The following SLC14A2 variants were observed in gnomAD, a reference collection of about 807,000 sequenced individuals.
SLC14A2 encodes the protein solute carrier family 14 member 2.
In SLC14A2, 91 loss-of-function variants were observed where a neutral mutation model predicts 104.6. The ratio of observed to expected loss-of-function variants is 0.87; its 90% CI spans 0.73 to 1.04. The LOEUF is 1.04. Among genes scored for constraint, SLC14A2 ranks in the 50% least tolerant of loss-of-function variants. The pLI, the probability that SLC14A2 is intolerant of heterozygous loss-of-function variation, is 0.00. For missense variants in SLC14A2, 1,189 were observed against 1,156.0 expected (o/e 1.03, Z -0.41); for synonymous variants, 476 against 466.4 (o/e 1.02, Z -0.27).
chr18:45,562,595 A>G (rs1433603710), intron 2 of SLC14A2, among the ~76,000 whole-genome samples: 3 of 152,178 alleles, frequency 2.0e-5, no homozygotes, highest in African/African-American at 4.8e-5. Flanking sequence ...TTCTGTTTTC[A>G]AAGTTGATCT....
chr18:45,270,814 T>C (rs780732340), intron 1 of SLC14A2, among the ~76,000 whole-genome samples: 2 of 152,134 alleles, frequency 1.3e-5, no homozygotes, highest in Non-Finnish European at 2.9e-5. Context: ...TGGAATGCAA[T>C]TGGCTAAGAG....
chr18:45,205,964 G>A, the SLC14A2 span, among the ~76,000 whole-genome samples: 2 of 152,222 alleles, frequency 1.3e-5, no homozygotes, highest in Non-Finnish European at 2.9e-5. Context: ...ACCAGTTCCA[G>A]CCTAGAGCTC....
chr18:45,567,743 CT>C (rs1334730813), intron 2 of SLC14A2, among the ~76,000 whole-genome samples: 4 of 152,296 alleles, frequency 2.6e-5, no homozygotes, highest in Admixed American at 6.5e-5. Flanking sequence ...TTCCTGATCA[CT>C]TCATTGGACA....
chr18:45,255,356 A>C (rs2084466013), intron 1 of SLC14A2, among the ~76,000 whole-genome samples: 2 of 152,190 alleles, frequency 1.3e-5, no homozygotes, highest in Admixed American at 1.3e-4. Context: ...CACAGCTGCA[A>C]GCAGGATTGA....
intron 1 of SLC14A2, among the ~76,000 whole-genome samples, chr18:45,446,152 CAGTT>C (rs1365527292): frequency 1.2e-4 from 18 of 152,206 alleles, no homozygotes; most frequent in African/African-American, 4.3e-4. Flanking sequence ...GGTTCACGCT[CAGTT>C]AAAGAGTGTG....
intron 2 of SLC14A2, chr18:45,483,342 T>G (rs1334095581): frequency 6.6e-6 from 1 of 152,180 alleles, no homozygotes; most frequent in African/African-American, 2.4e-5. Flanking sequence ...TTCTAGAACT[T>G]GCTTCTGTGT....
intron 1 of SLC14A2, among the ~76,000 whole-genome samples, chr18:45,472,138 A>C (rs1315848254): frequency 6.6e-6 from 1 of 152,012 alleles, no homozygotes; most frequent in East Asian, 1.9e-4. Context: ...TTTGGTTTAC[A>C]GTTCCTGTGT....
chr18:45,471,203 T>C (rs1374741640), intron 1 of SLC14A2, among the ~76,000 whole-genome samples: 1 of 152,208 alleles, frequency 6.6e-6, no homozygotes, highest in African/African-American at 2.4e-5. Flanking sequence ...CTGTTTCTTA[T>C]TTGTTCTTAG....
chr18:45,529,107 C>T (rs757906525), intron 2 of SLC14A2: 2 of 152,202 alleles, frequency 1.3e-5, no homozygotes, highest in African/African-American at 2.4e-5. Context: ...AAGAGCCTCC[C>T]AGCCAAGAGC....
intron 1 of SLC14A2, among the ~76,000 whole-genome samples, chr18:45,290,690 C>T (rs112535788): frequency 1.3e-5 from 2 of 152,168 alleles, no homozygotes; most frequent in African/African-American, 2.4e-5. Flanking sequence ...TAAACTATCT[C>T]GCTAATGATT....
At chr18:45,209,440 T>A (rs1349002375), upstream of SLC14A2, among the ~76,000 whole-genome samples, 1 of 152,126 alleles carries the variant, frequency 6.6e-6, no homozygotes, top group Non-Finnish European at 1.5e-5. Context: ...ACAGCAGGAT[T>A]TATGAGACTT....
intron 1 of SLC14A2, among the ~76,000 whole-genome samples, chr18:45,410,592 T>A (rs1791369137): frequency 6.6e-6 from 1 of 152,222 alleles, no homozygotes; most frequent in Non-Finnish European, 1.5e-5. Context: ...AGGAATATAC[T>A]TAAGTATACA....
chr18:45,469,956 T>A (rs2087216565), intron 1 of SLC14A2, among the ~76,000 whole-genome samples: 1 of 152,180 alleles, frequency 6.6e-6, no homozygotes, highest in Non-Finnish European at 1.5e-5. Flanking sequence ...TTTATAGCTG[T>A]TTGTAAAAAT....
At chr18:45,236,719 A>T (rs556693745) in intron 1 of SLC14A2, among the ~76,000 whole-genome samples, 96 of 152,130 alleles carry the variant, frequency 6.3e-4, no homozygotes, top group Non-Finnish European at 1.1e-3. Flanking sequence ...GTGCTACAAT[A>T]AACATAAGAG....
At chr18:45,286,834 C>G (rs546898591) in intron 1 of SLC14A2, among the ~76,000 whole-genome samples, 1 of 152,220 alleles carries the variant, frequency 6.6e-6, no homozygotes, top group East Asian at 1.9e-4. Context: ...TCTCAAACAC[C>G]AAGCATGCAT....
upstream of SLC14A2, chr18:45,615,459 T>C (rs2144467616): frequency 6.6e-6 from 1 of 152,312 alleles, no homozygotes; most frequent in East Asian, 1.9e-4. Flanking sequence ...TATAAGTGTT[T>C]GGCAAGTTCC....
At chr18:45,176,266 T>C in the SLC14A2 span, among the ~76,000 whole-genome samples, 1 of 152,202 alleles carries the variant, frequency 6.6e-6, no homozygotes, top group African/African-American at 2.4e-5. Flanking sequence ...AAGTAATATT[T>C]ATATTTCCAT....
chr18:45,587,425 G>T (rs1417808718), intron 2 of SLC14A2, among the ~76,000 whole-genome samples: 2 of 152,134 alleles, frequency 1.3e-5, no homozygotes, highest in African/African-American at 4.8e-5. Context: ...GGGGCATATG[G>T]TTAAAAAATA....
chr18:45,255,016 C>A (rs1255491138), intron 1 of SLC14A2, among the ~76,000 whole-genome samples: 1 of 152,194 alleles, frequency 6.6e-6, no homozygotes, highest in African/African-American at 2.4e-5. Flanking sequence ...GGAATACCAG[C>A]ACACTTGCTC....
Sources: gnomAD v4.1 joint callset for allele counts (sites outside exome capture counted in the v4.1 genomes callset) on GRCh38, gnomAD v4.1.1 for gene constraint, MANE v1.5 for transcripts, NCBI Gene and HGNC (gene_info 2026-07-23, HGNC 2026-07-21) for gene names.